Variants in NELL1 observed in about 807,000 individuals in gnomAD.
The protein encoded by NELL1 is protein kinase C-binding protein NELL1.
A neutral mutation model predicts 107.4 loss-of-function variants in NELL1; 76 were observed. That is an observed-to-expected ratio of 0.71 (90% CI 0.59 to 0.86). The LOEUF (loss-of-function observed/expected upper bound fraction) is 0.86, where lower values mean the gene tolerates loss of function less well. Among genes scored for constraint, NELL1 ranks in the 40% least tolerant of loss-of-function variants. The pLI is 0.00. For missense variants in NELL1, 1,024 were observed against 1,005.5 expected, an observed-to-expected ratio of 1.02 and a Z score of -0.25; for synonymous variants, 353 against 341.2, an observed-to-expected ratio of 1.03 and a Z score of -0.38.
At chr11:21,498,494 A>G (rs1023146430) in intron 15 of NELL1, among the ~76,000 whole-genome samples, 2 of 151,308 alleles carry the variant, frequency 1.3e-5, no homozygotes, top group African/African-American at 4.8e-5. Flanking sequence ...AGTTCTGATA[A>G]TTTTTTTAAG....
At chr11:21,088,998 C>T (rs1011081238) in intron 12 of NELL1, among the ~76,000 whole-genome samples, 1 of 152,154 alleles carries the variant, frequency 6.6e-6, no homozygotes, top group Non-Finnish European at 1.5e-5. Context: ...AGACAGGACA[C>T]AGCCAGTATA....
chr11:20,687,374 A>G (rs571037106), intron 2 of NELL1, among the ~76,000 whole-genome samples: 32 of 152,100 alleles, frequency 2.1e-4, no homozygotes, highest in Non-Finnish European at 3.5e-4. Context: ...AGTATGTCAT[A>G]TGTCATGTGG....
At chr11:20,819,999 T>A (rs1857714848) in intron 3 of NELL1, among the ~76,000 whole-genome samples, 1 of 151,994 alleles carries the variant, frequency 6.6e-6, no homozygotes. Flanking sequence ...TACTGGAGAG[T>A]GAGATAAGGT....
At chr11:21,406,780 G>A (rs571992821) in intron 15 of NELL1, among the ~76,000 whole-genome samples, 64 of 152,092 alleles carry the variant, frequency 4.2e-4, no homozygotes, top group African/African-American at 1.5e-3. Context: ...TCATATCAGA[G>A]TATTTAGGGT....
intron 2 of NELL1, among the ~76,000 whole-genome samples, chr11:20,758,600 G>C (rs2133954723): frequency 6.6e-6 from 1 of 152,302 alleles, no homozygotes; most frequent in Non-Finnish European, 1.5e-5. Flanking sequence ...AGTTATTGTA[G>C]AGAGAATTCC....
intron 14 of NELL1, among the ~76,000 whole-genome samples, chr11:21,326,536 A>G (rs893484276): frequency 6.6e-6 from 1 of 152,068 alleles, no homozygotes. Flanking sequence ...AAAAAGTTAA[A>G]AATATCTTCT....
At chr11:21,085,451 A>T (rs1854367544) in intron 12 of NELL1, among the ~76,000 whole-genome samples, 1 of 152,062 alleles carries the variant, frequency 6.6e-6, no homozygotes, top group Non-Finnish European at 1.5e-5. Context: ...CTGAGCAACT[A>T]ATGAGGCCCC....
At chr11:20,907,905 A>C (rs572887081) in intron 5 of NELL1, among the ~76,000 whole-genome samples, 26 of 152,300 alleles carry the variant, frequency 1.7e-4, no homozygotes, top group African/African-American at 6.3e-4. Flanking sequence ...ATGAACAGAC[A>C]CTTCTCAAAG....
Position 21,433,527 on chromosome 11 carries a change from G to A in NELL1, c.1645+62579G>A, listed in dbSNP as rs75213414. ...GTATGAGTTCCCTTTTCTCTGCACC[G>A]TCAACAGTATACGTTATTTTTTGTG... On this transcript the variant is annotated intron_variant, in intron 15 of 19. Transcript: ENST00000357134. 1.7e-3 allele frequency among the ~76,000 whole-genome samples: 254 copies of A among 152,114 alleles called. 1 individual carries two copies. The highest frequency in any genetic ancestry group is 5.5e-3 in the African/African-American group (229 of 41,518).
intron 12 of NELL1, among the ~76,000 whole-genome samples, chr11:21,015,942 A>T (rs1282266335): frequency 6.6e-6 from 1 of 152,024 alleles, no homozygotes; most frequent in Admixed American, 6.6e-5. Flanking sequence ...GTTTGTGTGA[A>T]TGCAATGTGT....
intron 14 of NELL1, among the ~76,000 whole-genome samples, chr11:21,241,444 C>T (rs1326441282): frequency 2.6e-5 from 4 of 152,102 alleles, no homozygotes; most frequent in Non-Finnish European, 4.4e-5. Context: ...GATCTGTTAC[C>T]TTTTAATGGC....
intron 9 of NELL1, among the ~76,000 whole-genome samples, chr11:20,933,607 A>G (rs1850661926): frequency 6.6e-6 from 1 of 152,164 alleles, no homozygotes. Flanking sequence ...TTTAAAGTGT[A>G]AAACAGTGTG....
At chr11:20,732,687 G>A (rs143715026) in intron 2 of NELL1, among the ~76,000 whole-genome samples, 1 of 152,280 alleles carries the variant, frequency 6.6e-6, no homozygotes, top group East Asian at 1.9e-4. Context: ...AAGGGACAGT[G>A]TAGATGCCAG....
intron 14 of NELL1, among the ~76,000 whole-genome samples, chr11:21,234,695 C>CTGCTTCCT (rs1312790961): frequency 6.6e-6 from 1 of 152,148 alleles, no homozygotes; most frequent in African/African-American, 2.4e-5. Context: ...TGCAGACAAG[C>CTGCTTCCT]TGCTTCCTGG....
chr11:21,349,749 C>G (rs1850762269), intron 14 of NELL1, among the ~76,000 whole-genome samples: 1 of 151,996 alleles, frequency 6.6e-6, no homozygotes, highest in Non-Finnish European at 1.5e-5. Flanking sequence ...GGTTGCAGTA[C>G]ATTGCTGCAT....
At chr11:21,199,696 G>T (rs779337398) in intron 13 of NELL1, among the ~76,000 whole-genome samples, 1 of 151,992 alleles carries the variant, frequency 6.6e-6, no homozygotes, top group Admixed American at 6.6e-5. Context: ...TGTGCAGAAC[G>T]TGCAGGTTTG....
At chr11:20,968,790 G>A (rs1042961153) in intron 12 of NELL1, among the ~76,000 whole-genome samples, 1 of 152,098 alleles carries the variant, frequency 6.6e-6, no homozygotes, top group African/African-American at 2.4e-5. Context: ...GTCCTAGCAT[G>A]GGCAGTATGT....
chr11:21,170,317 G>C lies in NELL1; in HGVS notation c.1426+56603G>C, dbSNP rs148915555. On this transcript the variant is annotated intron_variant, in intron 13 of 19. Coordinates refer to ENST00000357134, the MANE Select transcript of NELL1 (RefSeq NM_006157.5). ...TCTCTCTTATATTGCTTGTCTATGA[G>C]GCTGTGATGAGAGAATTTGGCTGAT... is the stretch of plus-strand genomic sequence containing the variant. Among the ~76,000 whole-genome samples the C allele has an allele frequency of 2.4e-4, 37 of 151,614 alleles. 1 individual carries two copies. The highest frequency in any genetic ancestry group is 8.8e-4 in the African/African-American group (36 of 40,962).
At chr11:21,048,784 A>G (rs540735938) in intron 12 of NELL1, among the ~76,000 whole-genome samples, 4 of 151,646 alleles carry the variant, frequency 2.6e-5, no homozygotes, top group Non-Finnish European at 5.9e-5. Flanking sequence ...GGCTTCTCTC[A>G]TTTTCCTCTG....
Sources: gnomAD v4.1 joint callset for allele counts (sites outside exome capture counted in the v4.1 genomes callset) on GRCh38, gnomAD v4.1.1 for gene constraint, MANE v1.5 for transcripts, NCBI Gene and HGNC (gene_info 2026-07-23, HGNC 2026-07-21) for gene names.